Variants in NWD1 observed in about 807,000 individuals in gnomAD.
The protein encoded by NWD1 is NACHT domain- and WD repeat-containing protein 1.
In NWD1, 129 loss-of-function variants were observed where a neutral mutation model predicts 135.1. The observed-to-expected ratio is 0.96, with a 90% CI of 0.83 to 1.11. The LOEUF is 1.11. Ranked by LOEUF, NWD1 falls within the 50% of genes least tolerant of loss-of-function variation. NWD1 has a pLI of 0.00. For missense variants in NWD1, 1,740 were observed against 1,851.3 expected (o/e 0.94, Z 1.10); for synonymous variants, 773 against 786.0 (o/e 0.98, Z 0.28).
intron 12 of NWD1, among the ~76,000 whole-genome samples, chr19:16,780,630 C>G (rs1336633798): frequency 6.6e-6 from 1 of 151,902 alleles, no homozygotes; most frequent in Non-Finnish European, 1.5e-5. Flanking sequence ...CTTTCCTTTC[C>G]TTTCCTTTCT....
chr19:16,762,442 A>G (rs112180762), intron 8 of NWD1, among the ~76,000 whole-genome samples: 6,997 of 151,056 alleles, frequency 0.046, 522 homozygotes, highest in African/African-American at 0.16. Context: ...GATTACAGGC[A>G]CCCGCCACCA....
intron 2 of NWD1, among the ~76,000 whole-genome samples, chr19:16,726,684 C>A (rs1967343529): frequency 6.6e-6 from 1 of 152,152 alleles, no homozygotes; most frequent in South Asian, 2.1e-4. Flanking sequence ...AGTGATCCAC[C>A]CACCTCGGCC....
In NWD1 at chr19:16,724,627, C is replaced by T. The variant is rs1485584134; in HGVS notation, c.-7+164C>T. 3.3e-5 allele frequency among the ~76,000 whole-genome samples: 5 copies of T among 152,058 alleles called. No homozygotes were observed. In the East Asian group the frequency reaches 5.8e-4, roughly 18 times the overall value. ...CTTTGGGAGGCTCAGGTGGGAGGATCGTTTGTTGGCAGGAGCCTGCCAAGT... is the reference window on the plus strand; with the variant it reads ...CTTTGGGAGGCTCAGGTGGGAGGATTGTTTGTTGGCAGGAGCCTGCCAAGT... On this transcript the variant is annotated intron_variant, in intron 2 of 18. Coordinates refer to ENST00000524140, the MANE Select transcript of NWD1 (RefSeq NM_001007525.5).
chr19:16,735,960 A>G (rs78277164), intron 3 of NWD1, among the ~76,000 whole-genome samples: 1 of 128,772 alleles, frequency 7.8e-6, no homozygotes, highest in Non-Finnish European at 1.8e-5. Flanking sequence ...CAGGACTCCA[A>G]CTCAAAAAAA....
rs562338315 is a variant in NWD1, at chr19:16,792,071, T to A, written c.3213+449T>A. On this transcript the variant is annotated intron_variant, in intron 14 of 18. Transcript: ENST00000524140. ...AGTTCAGCACAGTTCAGGAAACATC[T>A]GTTGGCGTCTCTTGGGGACTGACCA... Among the ~76,000 whole-genome samples, 11 of 152,294 alleles carry A rather than the reference T, an allele frequency of 7.2e-5. 1 individual carries two copies. The East Asian group carries it at 1.9e-3, about 27-fold the overall frequency.
rs1025120871 is a variant in NWD1 at position 16,783,588 on chromosome 19, C to T, written c.2731+4123C>T. On this transcript the variant is annotated intron_variant, in intron 12 of 18. Coordinates refer to ENST00000524140, the MANE Select transcript of NWD1 (RefSeq NM_001007525.5). ...GGTGGAGGTTGCAGTGAGCCGAGATCGCGCCACTGCACTCCAGCCTGGGCA... is the reference window on the plus strand; with the variant it reads ...GGTGGAGGTTGCAGTGAGCCGAGATTGCGCCACTGCACTCCAGCCTGGGCA... 5.3e-5 allele frequency among the ~76,000 whole-genome samples: 8 copies of T among 151,118 alleles called. No individual in the cohort carries two copies. In the South Asian group the frequency reaches 6.3e-4, roughly 12 times the overall value.
chr19:16,746,728 G>A (rs1008983998), intron 5 of NWD1, among the ~76,000 whole-genome samples: 1 of 151,786 alleles, frequency 6.6e-6, no homozygotes, highest in Non-Finnish European at 1.5e-5. Context: ...TATTTTGCAT[G>A]TTCTATCTAT....
chr19:16,775,602 C>A (rs1969572074), intron 11 of NWD1, among the ~76,000 whole-genome samples: 1 of 152,206 alleles, frequency 6.6e-6, no homozygotes, highest in African/African-American at 2.4e-5. Context: ...CCACTCCTGT[C>A]TCATTGGCAA....
intron 10 of NWD1, among the ~76,000 whole-genome samples, chr19:16,766,591 ATT>A (rs11355024): frequency 7.0e-4 from 103 of 147,830 alleles, no homozygotes; most frequent in African/African-American, 2.2e-3. Flanking sequence ...TGTCTTAACC[ATT>A]TTTTTTTTTT....
intron 10 of NWD1, among the ~76,000 whole-genome samples, chr19:16,768,250 C>T (rs1019310103): frequency 2.4e-4 from 37 of 152,192 alleles, no homozygotes; most frequent in Admixed American, 1.8e-3. Context: ...CCCACCTTGG[C>T]CTCCCAAAGT....
At chr19:16,775,730 G>T (rs111850406) in intron 11 of NWD1, among the ~76,000 whole-genome samples, 1 of 152,022 alleles carries the variant, frequency 6.6e-6, no homozygotes, top group East Asian at 1.9e-4. Context: ...GTGCAGTGGC[G>T]CAATCTCGGC....
chr19:16,745,362 G>A (rs949529588), intron 5 of NWD1, among the ~76,000 whole-genome samples: 1 of 151,952 alleles, frequency 6.6e-6, no homozygotes. Flanking sequence ...ATATCAGGGG[G>A]AGCAATGCAG....
intron 5 of NWD1, among the ~76,000 whole-genome samples, chr19:16,746,490 T>C (rs904292618): frequency 5.9e-5 from 9 of 151,826 alleles, no homozygotes; most frequent in African/African-American, 2.2e-4. Context: ...CTGGCCAAAA[T>C]AGTGAAACTC....
intron 2 of NWD1, among the ~76,000 whole-genome samples, chr19:16,724,666 T>C (rs1325861443): frequency 6.6e-6 from 1 of 152,112 alleles, no homozygotes; most frequent in Admixed American, 6.6e-5. Flanking sequence ...AGCCTTGAAC[T>C]CAACCCAGTG....
At chr19:16,771,253 A>G (rs1238444905) in intron 10 of NWD1, among the ~76,000 whole-genome samples, 1 of 152,184 alleles carries the variant, frequency 6.6e-6, no homozygotes, top group East Asian at 1.9e-4. Context: ...GGAGTTTGAG[A>G]CCAGCCTTGG....
chr19:16,760,779 C>T (rs567052768), intron 7 of NWD1, among the ~76,000 whole-genome samples: 70 of 151,768 alleles, frequency 4.6e-4, no homozygotes, highest in African/African-American at 1.4e-3. Flanking sequence ...TTAGTAGAGA[C>T]GGGTTTCACC....
chr19:16,760,801 G>A (rs1405732063), intron 7 of NWD1, among the ~76,000 whole-genome samples: 4 of 151,890 alleles, frequency 2.6e-5, no homozygotes, highest in East Asian at 1.9e-4. Flanking sequence ...TGTTGGCCAC[G>A]CTGGTCTCAA....
intron 15 of NWD1, among the ~76,000 whole-genome samples, chr19:16,795,548 C>G (rs953525122): frequency 4.0e-5 from 6 of 151,538 alleles, no homozygotes; most frequent in African/African-American, 1.5e-4. Flanking sequence ...TCCCAAGTAT[C>G]TGGGATTACA....
chr19:16,752,682 C>T (rs1968626021), intron 6 of NWD1, among the ~76,000 whole-genome samples: 1 of 151,966 alleles, frequency 6.6e-6, no homozygotes, highest in Admixed American at 6.6e-5. Flanking sequence ...CCAGATTTCC[C>T]GACTGGCTTA....
Sources: allele counts gnomAD v4.1 joint callset (sites outside exome capture counted in the v4.1 genomes callset), GRCh38; gene constraint gnomAD v4.1.1; transcripts MANE v1.5; gene names NCBI Gene and HGNC (gene_info 2026-07-23, HGNC 2026-07-21).